SLC22A24: variants seen among roughly 807,000 people sequenced by gnomAD.
SLC22A24 encodes steroid transmembrane transporter SLC22A24.
Under a neutral mutation model 49.8 loss-of-function variants are expected in SLC22A24, and 53 were observed. The ratio of observed to expected loss-of-function variants is 1.06; its 90% CI spans 0.85 to 1.34. SLC22A24 has a LOEUF of 1.34. SLC22A24 is among the 40% of genes most tolerant of loss of function. SLC22A24 has a pLI of 0.00. For missense variants in SLC22A24, 786 were observed against 675.9 expected (o/e 1.16, Z -1.81); for synonymous variants, 302 against 256.4 (o/e 1.18, Z -1.70).
chr11:63,123,291 T>C (rs954300315), intron 2 of SLC22A24, among the ~76,000 whole-genome samples: 1 of 152,130 alleles, frequency 6.6e-6, no homozygotes, highest in Non-Finnish European at 1.5e-5. Flanking sequence ...ACTTAATTAA[T>C]AAGGTAAGAG....
At chr11:63,118,268 A>C (rs1032594305) in intron 4 of SLC22A24, among the ~76,000 whole-genome samples, 1 of 152,176 alleles carries the variant, frequency 6.6e-6, no homozygotes, top group Non-Finnish European at 1.5e-5. Context: ...AGGAACTGAA[A>C]CTAAGATATG....
rs752610593 is a variant in SLC22A24, at chr11:63,081,570, G to T, written c.1382C>A (p.Pro461His). Residue 461 changes from proline to histidine, a missense_variant, in exon 8 of 10, where the codon CCC becomes CAC. Physicochemically the swap from Pro to His is moderately conservative, Grantham distance 77. Transcript: ENST00000612278. ...SASVHHNELV[P>H]TILRSTVAGI... ...TTAGCTCTTGTACCTCAATATGGTG[G>T]GGACGAGCTCGTTGTGGTGGACAGA... 6 of 1,550,316 alleles carry T rather than the reference G, an allele frequency of 3.9e-6. No homozygotes were observed. The highest frequency in any genetic ancestry group is 1.4e-5 in the African/African-American group (1 of 73,104).
At position 63,109,952 on chromosome 11, in the gene SLC22A24, G is replaced by T. The variant is rs562628980; in HGVS notation, c.831-5654C>A. ...CTATGTCCTGAATGGTAATGCCTAG[G>T]ATTTCTTCTAGGGTTTTTATGGTTT... On this transcript the variant is annotated intron_variant, in intron 4 of 9. Transcript: ENST00000612278. Among the ~76,000 whole-genome samples the T allele has an allele frequency of 2.0e-5, 3 of 152,250 alleles. No homozygotes were observed. In the East Asian group the frequency reaches 5.8e-4, roughly 29 times the overall value.
chr11:63,121,588 A>T (rs563732475), intron 2 of SLC22A24, among the ~76,000 whole-genome samples: 1 of 152,126 alleles, frequency 6.6e-6, no homozygotes, highest in Non-Finnish European at 1.5e-5. Context: ...ACCCAATGAT[A>T]TCACACATTT....
intron 5 of SLC22A24, among the ~76,000 whole-genome samples, chr11:63,097,473 G>A (rs1433702795): frequency 4.6e-5 from 7 of 152,152 alleles, no homozygotes; most frequent in Non-Finnish European, 8.8e-5. Flanking sequence ...TTACACCATG[G>A]GAGTGTAAAT....
chr11:63,128,299 A>G (rs1280453632), intron 2 of SLC22A24, among the ~76,000 whole-genome samples: 1 of 152,104 alleles, frequency 6.6e-6, no homozygotes, highest in Non-Finnish European at 1.5e-5. Context: ...TCCTTGGTCT[A>G]GCAGTAACAC....
chr11:63,139,431 G>T (rs2087398838), intron 1 of SLC22A24, among the ~76,000 whole-genome samples: 1 of 152,156 alleles, frequency 6.6e-6, no homozygotes, highest in South Asian at 2.1e-4. Context: ...TTATGAAAGA[G>T]CTTGGTGTGT....
intron 6 of SLC22A24, among the ~76,000 whole-genome samples, chr11:63,091,427 C>T (rs939408078): frequency 1.3e-5 from 2 of 152,108 alleles, no homozygotes; most frequent in African/African-American, 4.8e-5. Context: ...CTTCCTGATA[C>T]CAAAAGCTGG....
chr11:63,128,665 CCT>C (rs377618735), intron 2 of SLC22A24, among the ~76,000 whole-genome samples: 17 of 150,282 alleles, frequency 1.1e-4, no homozygotes, highest in Admixed American at 3.3e-4. Flanking sequence ...TAAACTGTCT[CCT>C]CTCTCTCTCT....
chr11:63,084,505 A>G (rs553652203), intron 6 of SLC22A24, among the ~76,000 whole-genome samples: 5 of 152,264 alleles, frequency 3.3e-5, no homozygotes, highest in African/African-American at 1.2e-4. Flanking sequence ...GAGAAAATGT[A>G]TGCAGGAGCC....
rs533700451 is a variant in SLC22A24 at position 63,091,961 on chromosome 11, T to C, written c.1070+4030A>G. On this transcript the variant is annotated intron_variant, in intron 6 of 9. Transcript: ENST00000612278. The stretch of plus-strand genomic sequence containing the variant: ...TATTTAAATAGAGAGGAAGTCAAAT[T>C]GTCTCTGTTTGCAGATGACATGATT... 2.6e-5 allele frequency among the ~76,000 whole-genome samples: 4 copies of C among 152,328 alleles called. No individual in the cohort carries two copies. The East Asian group carries it at 5.8e-4, about 22-fold the overall frequency.
chr11:63,132,279 C>T (rs766801548), intron 2 of SLC22A24, among the ~76,000 whole-genome samples: 2 of 152,200 alleles, frequency 1.3e-5, no homozygotes, highest in Non-Finnish European at 2.9e-5. Context: ...AAGCCTACTT[C>T]TGTCAACTTG....
intron 4 of SLC22A24, among the ~76,000 whole-genome samples, chr11:63,105,904 C>T (rs1300547136): frequency 2.0e-5 from 3 of 147,546 alleles, no homozygotes; most frequent in African/African-American, 5.0e-5. Context: ...GCACTGTTGC[C>T]CTTTTAAAAC....
rs1386091402 is a variant in SLC22A24, at chr11:63,081,100, G to A, written c.1418C>T (p.Ala473Val). ...ILRSTVAGIN[A>V]VSGRTGAALA... ...TGCTGCCCCAGTCCTACCGGACACT[G>A]CATTGATTCCTGCAACTGTTGACCT... The change falls in exon 9 of 10, where the codon GCA becomes GTA. Residue 473 changes from alanine to valine, a missense_variant. Physicochemically the swap from Ala to Val is moderately conservative, Grantham distance 64 (BLOSUM62 0). Transcript: ENST00000612278. The A allele has an allele frequency of 3.2e-6, 5 of 1,551,540 alleles. No homozygotes were observed. Among genetic ancestry groups the A allele is most frequent in the Middle Eastern group, 1.7e-4 (1 of 5,988 alleles).
intron 7 of SLC22A24, 32 bp downstream of exon 7, chr11:63,083,211 A>G: frequency 6.6e-7 from 1 of 1,519,186 alleles, no homozygotes; most frequent in Non-Finnish European, 8.9e-7. Context: ...GGGGGTAACT[A>G]CTTTCTTTCC....
intron 5 of SLC22A24, among the ~76,000 whole-genome samples, chr11:63,099,309 C>T (rs979347015): frequency 6.6e-6 from 1 of 150,582 alleles, no homozygotes; most frequent in Non-Finnish European, 1.5e-5. Flanking sequence ...GTGATTGTTC[C>T]ATCTCACCCC....
intron 4 of SLC22A24, among the ~76,000 whole-genome samples, chr11:63,105,113 T>A (rs1168851725): frequency 2.0e-5 from 3 of 152,236 alleles, no homozygotes; most frequent in Non-Finnish European, 4.4e-5. Context: ...ATGTCTCAAA[T>A]CCAGGTCATG....
chr11:63,080,781 C>A (rs763536670), intron 9 of SLC22A24, 139 bp downstream of exon 9: 5 of 689,738 alleles, frequency 7.2e-6, no homozygotes, highest in Non-Finnish European at 1.2e-5. Flanking sequence ...AACTAAAGGA[C>A]ATGGTGACAA....
intron 2 of SLC22A24, among the ~76,000 whole-genome samples, chr11:63,125,139 T>C (rs2087280581): frequency 6.6e-6 from 1 of 151,946 alleles, no homozygotes; most frequent in Non-Finnish European, 1.5e-5. Context: ...AAACATTTCA[T>C]TGAAGTTTAT....
Sources: gnomAD v4.1 joint callset for allele counts (sites outside exome capture counted in the v4.1 genomes callset) on GRCh38, gnomAD v4.1.1 for gene constraint, MANE v1.5 for transcripts, NCBI Gene and HGNC (gene_info 2026-07-23, HGNC 2026-07-21) for gene names.